RAB38: variants seen among roughly 807,000 people sequenced by gnomAD.
RAB38 encodes RAB38, member RAS oncogene family, also known as ras-related protein Rab-38.
Under a neutral mutation model 18.4 loss-of-function variants are expected in RAB38, and 15 were observed. That is an observed-to-expected ratio of 0.82 (90% confidence interval 0.55 to 1.26). The LOEUF (loss-of-function observed/expected upper bound fraction) is 1.26. RAB38 is among the 50% of genes most tolerant of loss of function. The probability of loss-of-function intolerance (pLI) is 0.00; values close to 1 mark genes in which losing one functional copy is unlikely to be tolerated. For synonymous variants in RAB38, 101 were observed against 104.4 expected (o/e 0.97, Z 0.20); for missense variants, 294 against 267.4 (o/e 1.10, Z -0.69).
At chr11:87,900,701 A>G in the RAB38 span, among the ~76,000 whole-genome samples, 9 of 150,454 alleles carry the variant, frequency 6.0e-5, no homozygotes, top group African/African-American at 2.2e-4. Flanking sequence ...GGAAGGAAGG[A>G]AGGAAAAAGG....
chr11:87,900,318 G>A, the RAB38 span, among the ~76,000 whole-genome samples: 1 of 151,472 alleles, frequency 6.6e-6, no homozygotes, highest in Non-Finnish European at 1.5e-5. Context: ...CACTCCCATA[G>A]TATAGAAATC....
chr11:87,936,508 C>T, the RAB38 span, among the ~76,000 whole-genome samples: 1 of 152,012 alleles, frequency 6.6e-6, no homozygotes, highest in African/African-American at 2.4e-5. Flanking sequence ...TATGTGCCTA[C>T]CCCTCCAGCC....
At chr11:87,966,185 G>A in the RAB38 span, among the ~76,000 whole-genome samples, 7 of 152,154 alleles carry the variant, frequency 4.6e-5, no homozygotes, top group Non-Finnish European at 1.0e-4. Flanking sequence ...GACGATAGTA[G>A]CCTGAGAAAA....
the RAB38 span, among the ~76,000 whole-genome samples, chr11:88,024,956 C>T: frequency 6.6e-6 from 1 of 151,964 alleles, no homozygotes; most frequent in Non-Finnish European, 1.5e-5. Context: ...TTTGACAGCA[C>T]AACGGAGAGA....
At chr11:87,809,274 A>C in the RAB38 span, among the ~76,000 whole-genome samples, 20 of 152,370 alleles carry the variant, frequency 1.3e-4, no homozygotes, top group East Asian at 1.9e-4. Context: ...AGGATACAAA[A>C]GATTTGCCAA....
the RAB38 span, among the ~76,000 whole-genome samples, chr11:87,827,900 C>A: frequency 6.6e-4 from 101 of 152,304 alleles, 3 homozygotes; most frequent in Admixed American, 6.6e-3. Context: ...AGATTAAAAA[C>A]TGACAGCTTC....
the RAB38 span, among the ~76,000 whole-genome samples, chr11:87,965,190 G>T: frequency 6.6e-6 from 1 of 151,908 alleles, no homozygotes; most frequent in Non-Finnish European, 1.5e-5. Flanking sequence ...CACTGTACCA[G>T]AGAATCAGCA....
chr11:87,819,749 T>TATAC, the RAB38 span, among the ~76,000 whole-genome samples: 416 of 85,682 alleles, frequency 4.9e-3, 3 homozygotes, highest in African/African-American at 0.018. Flanking sequence ...TATATATATA[T>TATAC]ACGTGTATGT....
In RAB38 at chr11:88,140,080, G is replaced by C. The variant is rs926591941; in HGVS notation, c.483+9595C>G. ...TGCATAATTCGGTGCACAAGCTAATGTCAGATTCTTATGGAATGTTATGTG... is the reference window on the plus strand; with the variant it reads ...TGCATAATTCGGTGCACAAGCTAATCTCAGATTCTTATGGAATGTTATGTG... On this transcript the variant is annotated intron_variant, in intron 2 of 2. Transcript: ENST00000243662. Among the ~76,000 whole-genome samples the C allele has an allele frequency of 2.5e-4, 38 of 152,202 alleles. 2 individuals carry two copies.
chr11:87,937,311 C>CATATATATATATATATATATATATATAT, the RAB38 span, among the ~76,000 whole-genome samples: 1 of 82,682 alleles, frequency 1.2e-5, no homozygotes, highest in South Asian at 4.7e-4. Flanking sequence ...ACTTGGTCAT[C>CATATATATATATATATATATATATATAT]ATATATATAT....
the RAB38 span, among the ~76,000 whole-genome samples, chr11:87,908,857 A>G: frequency 6.6e-6 from 1 of 151,928 alleles, no homozygotes; most frequent in African/African-American, 2.4e-5. Context: ...CTTATCCTGA[A>G]TGTTAGGAAT....
chr11:88,033,532 G>A, the RAB38 span, among the ~76,000 whole-genome samples: 1 of 151,854 alleles, frequency 6.6e-6, no homozygotes, highest in East Asian at 1.9e-4. Flanking sequence ...AAAAGTAATA[G>A]AGAGATCCTG....
the RAB38 span, among the ~76,000 whole-genome samples, chr11:87,946,825 A>T: frequency 1.3e-5 from 2 of 152,192 alleles, no homozygotes; most frequent in African/African-American, 2.4e-5. Context: ...AGTCTTTGCT[A>T]TTGTGAATAG....
the RAB38 span, among the ~76,000 whole-genome samples, chr11:88,028,898 G>A: frequency 8.5e-5 from 13 of 152,122 alleles, no homozygotes; most frequent in African/African-American, 1.9e-4. Context: ...GATACTCCTC[G>A]AGAAGAGCAA....
the RAB38 span, among the ~76,000 whole-genome samples, chr11:88,011,573 G>A: frequency 6.6e-6 from 1 of 152,170 alleles, no homozygotes; most frequent in African/African-American, 2.4e-5. Context: ...AAAGATGACT[G>A]AAATAGCAAG....
At chr11:87,821,765 C>T in the RAB38 span, among the ~76,000 whole-genome samples, 10 of 151,416 alleles carry the variant, frequency 6.6e-5, no homozygotes, top group South Asian at 4.2e-4. Context: ...GCAGGAGAAT[C>T]GCTTGCACCC....
chr11:87,957,397 GA>G, the RAB38 span, among the ~76,000 whole-genome samples: 9 of 150,916 alleles, frequency 6.0e-5, no homozygotes, highest in African/African-American at 2.2e-4. Flanking sequence ...CAGATTAACA[GA>G]AAAAAAAACC....
At chr11:88,060,712 C>T in the RAB38 span, among the ~76,000 whole-genome samples, 89,818 of 152,030 alleles carry the variant, frequency 0.59, 27,751 homozygotes, top group Non-Finnish European at 0.68. Context: ...TATTTAGCAG[C>T]ATCCCTGACT....
At chr11:88,170,023 T>A (rs1037028853) in intron 1 of RAB38, among the ~76,000 whole-genome samples, 1 of 152,146 alleles carries the variant, frequency 6.6e-6, no homozygotes, top group African/African-American at 2.4e-5. Context: ...CTTTTTCCAA[T>A]CCCCTCCCAC....
Sources: allele counts gnomAD v4.1 joint callset (sites outside exome capture counted in the v4.1 genomes callset), GRCh38; gene constraint gnomAD v4.1.1; transcripts MANE v1.5; gene names NCBI Gene and HGNC (gene_info 2026-07-23, HGNC 2026-07-21).